Variants in KMT5A observed in about 807,000 individuals in gnomAD.
KMT5A encodes the protein lysine methyltransferase 5A, also known as N-lysine methyltransferase KMT5A.
A neutral mutation model predicts 40.6 loss-of-function variants in KMT5A; 6 were observed. That is an observed-to-expected ratio of 0.15 (90% confidence interval 0.08 to 0.29). The LOEUF is 0.29. KMT5A is among the 10% of genes least tolerant of loss of function. The pLI is 1.00. For missense variants in KMT5A, 308 were observed against 459.1 expected, an observed-to-expected ratio of 0.67 and a Z score of 3.01; for synonymous variants, 153 against 178.8, an observed-to-expected ratio of 0.86 and a Z score of 1.15.
chr12:123,404,789 A>G, intron 6 of KMT5A, 95 bp from the exon 7 acceptor site: 1 of 1,245,148 alleles, frequency 8.0e-7, no homozygotes, highest in South Asian at 1.4e-5. Flanking sequence ...TACAGCTGTT[A>G]AAGACTGGGG....
At chr12:123,396,512 T>C in intron 5 of KMT5A, 80 bp downstream of exon 5, 1 of 1,319,034 alleles carries the variant, frequency 7.6e-7, no homozygotes, top group Non-Finnish European at 1.1e-6. Flanking sequence ...CGTATGTGTG[T>C]GTCCTCAGCC....
In KMT5A at chr12:123,394,409, CTTAG is replaced by C. The variant is rs567532396; in HGVS notation, c.290-634_290-631del. 8.3e-4 allele frequency among the ~76,000 whole-genome samples: 127 copies of C among 152,226 alleles called. 1 individual carries two copies. The highest frequency in any genetic ancestry group is 3.0e-3 in the African/African-American group (123 of 41,546). On this transcript the variant is annotated intron_variant, in intron 3 of 7. Coordinates refer to ENST00000402868, the MANE Select transcript of KMT5A (RefSeq NM_020382.7). ...GGAGCCACTGTGTCCAGCCTATTTA[CTTAG>C]TTATTTAAAAGTAAAACATTTTTTA...
At position 123,384,414 on chromosome 12, in the gene KMT5A, C is replaced by T. The variant is rs564436546; in HGVS notation, c.10+206C>T. ...TCCAGATGCCCCCAGAAACCCTTCC[C>T]ACTGCCGTGCTTCTGTTTCCCTTCT... On this transcript the variant is annotated intron_variant, in intron 1 of 7. Coordinates refer to ENST00000402868, the MANE Select transcript of KMT5A (RefSeq NM_020382.7). The surrounding 1 kb of genome is among the most constrained non-coding windows in gnomAD (Gnocchi z 5.7). Among the ~76,000 whole-genome samples, 4 of 152,246 alleles carry T rather than the reference C, an allele frequency of 2.6e-5. No homozygotes were observed. The highest frequency in any genetic ancestry group is 9.6e-5 in the African/African-American group (4 of 41,474).
rs1377628563 is a variant in KMT5A, at chr12:123,407,661, C to T, written c.1017C>T (p.Arg339=). Residue 339 remains arginine, a synonymous_variant, in exon 8 of 8, where the codon CGC becomes CGT. Transcript: ENST00000402868. ...AGCTCCTGTATGACTATGGGGACCG[C>T]AGCAAGGCTTCCATTGAAGCCCACC... ...GEELLYDYGD[R]SKASIEAHPW... is the part of the protein sequence containing the mutation. 6.2e-7 allele frequency: 1 copy of T among 1,613,866 alleles called. No individual in the cohort carries two copies. The highest frequency in any genetic ancestry group is 8.5e-7 in the Non-Finnish European group (1 of 1,179,832).
intron 6 of KMT5A, among the ~76,000 whole-genome samples, chr12:123,403,929 C>T (rs1038516394): frequency 6.6e-6 from 1 of 152,104 alleles, no homozygotes; most frequent in Non-Finnish European, 1.5e-5. Flanking sequence ...CAACCATTAT[C>T]CCTGTCTAAT....
intron 5 of KMT5A, 51 bp from the exon 6 acceptor site, chr12:123,403,522 C>T (rs764284434): frequency 1.3e-5 from 21 of 1,594,870 alleles, no homozygotes; most frequent in South Asian, 3.3e-5. Context: ...AAGCTACGCA[C>T]GATGGGCCTA....
At chr12:123,388,994 C>G (rs2139157546) in intron 1 of KMT5A, 1 of 143,798 alleles carries the variant, frequency 7.0e-6, no homozygotes, top group South Asian at 2.1e-4. Context: ...CCTGCGCCTC[C>G]TTCCCTTCGT....
chr12:123,390,479 C>A (rs1877217373), intron 2 of KMT5A, 151 bp from the exon 3 acceptor site: 3 of 913,672 alleles, frequency 3.3e-6, no homozygotes, highest in Non-Finnish European at 5.0e-6. Context: ...TGCCAGTGCT[C>A]TCCTGAGACA....
intron 1 of KMT5A, among the ~76,000 whole-genome samples, chr12:123,386,242 G>A (rs1011111573): frequency 2.4e-5 from 3 of 126,366 alleles, no homozygotes; most frequent in African/African-American, 9.2e-5. Context: ...TTGAGACAGA[G>A]TCTCTCTCTG....
chr12:123,402,978 G>A (rs146328428), intron 5 of KMT5A, among the ~76,000 whole-genome samples: 12,302 of 152,112 alleles, frequency 0.081, 1,353 homozygotes, highest in African/African-American at 0.25. Context: ...GCACAATCTT[G>A]GCTCACTGCA....
In KMT5A at chr12:123,403,569, C is replaced by T. The variant is rs568504336; in HGVS notation, c.598-4C>T. On this transcript the variant is annotated splice_polypyrimidine_tract_variant and splice_region_variant and intron_variant, in intron 5 of 7. Coordinates refer to ENST00000402868, the MANE Select transcript of KMT5A (RefSeq NM_020382.7). ...TGATGCTGTTTTTCTTTCTCTCTGC[C>T]CAGTCTGAAGAAAGGAAAAGAATAG... 1 of 1,614,050 alleles carries T rather than the reference C, an allele frequency of 6.2e-7. No individual in the cohort carries two copies. The highest frequency in any genetic ancestry group is 2.2e-5 in the East Asian group (1 of 44,880).
chr12:123,395,357 G>A, intron 4 of KMT5A, 91 bp downstream of exon 4: 11 of 1,270,192 alleles, frequency 8.7e-6, no homozygotes, highest in Middle Eastern at 1.8e-4. Context: ...TGGGGGTTCA[G>A]TGGCCACCTC....
Position 123,384,273 on chromosome 12 carries a change from G to A in KMT5A, c.10+65G>A. ...GGGGTCGTGCTGGAGGGGTTGCCGG[G>A]GTGGAGGCAGCGGCTGCGGGGAGGC... is the stretch of plus-strand genomic sequence containing the variant. On this transcript the variant is annotated intron_variant, in intron 1 of 7. Transcript: ENST00000402868. The surrounding 1 kb of genome is among the most constrained non-coding windows in gnomAD (Gnocchi z 5.7). 14 of 1,599,016 alleles carry A rather than the reference G, an allele frequency of 8.8e-6. 1 individual carries two copies. The South Asian group carries it at 1.4e-4, about 17-fold the overall frequency.
Position 123,408,940 on chromosome 12 carries a change from G to A in KMT5A, c.*1237G>A, listed in dbSNP as rs1242187709. ...GTTTTCACCTTAACTGTGAAGGCAGGAGGAATAGGTGACTGCTTCCTCCCG... is the reference window on the plus strand; with the variant it reads ...GTTTTCACCTTAACTGTGAAGGCAGAAGGAATAGGTGACTGCTTCCTCCCG... On this transcript the variant is annotated 3_prime_UTR_variant, in exon 8 of 8. Transcript: ENST00000402868. 6.5e-6 allele frequency: 1 copy of A among 152,700 alleles called. No individual in the cohort carries two copies. Among genetic ancestry groups the A allele is most frequent in the Non-Finnish European group, 1.5e-5 (1 of 68,066 alleles). The allele number at this position is 152,700 out of a possible 1,614,324, so 9.5% of individuals were successfully genotyped here.
At chr12:123,398,669 A>G (rs1177638258) in intron 5 of KMT5A, among the ~76,000 whole-genome samples, 1 of 152,200 alleles carries the variant, frequency 6.6e-6, no homozygotes, top group African/African-American at 2.4e-5. Context: ...CAGCCATGCA[A>G]GCTGTTGCTG....
At chr12:123,389,600 C>A in intron 2 of KMT5A, 46 bp downstream of exon 2, 3 of 1,058,930 alleles carry the variant, frequency 2.8e-6, no homozygotes, top group African/African-American at 1.7e-5. Context: ...CCCGCCGGGC[C>A]GGGGCCGCGA....
Position 123,384,310 on chromosome 12 carries a change from G to A in KMT5A, c.10+102G>A, listed in dbSNP as rs1008429119. The A allele has an allele frequency of 7.3e-6, 11 of 1,512,536 alleles. No homozygotes were observed. The Admixed American group carries it at 2.1e-4, about 29-fold the overall frequency. The allele number at this position is 1,512,536 out of a possible 1,614,324, so 93.7% of individuals were successfully genotyped here. ...GGCTGCGGGGAGGCGTCCTCCTCGG[G>A]TGGCTCGGGGCAAGCTTGGGGACCC... On this transcript the variant is annotated intron_variant, in intron 1 of 7. Transcript: ENST00000402868. This position sits in a 1 kb window ranked among gnomAD's most constrained non-coding sequence, Gnocchi z 5.7.
intron 5 of KMT5A, among the ~76,000 whole-genome samples, chr12:123,399,592 ATG>A (rs1877998697): frequency 6.6e-6 from 1 of 152,310 alleles, no homozygotes; most frequent in East Asian, 1.9e-4. Context: ...CAAGGTGGTT[ATG>A]TGTGTGATGG....
At chr12:123,405,562 C>G (rs1878487780) in intron 7 of KMT5A, among the ~76,000 whole-genome samples, 1 of 125,232 alleles carries the variant, frequency 8.0e-6, no homozygotes, top group Non-Finnish European at 1.6e-5. Flanking sequence ...ATCTGTCGCC[C>G]AAGCTGGAGT....
Sources: gnomAD v4.1 joint callset for allele counts (sites outside exome capture counted in the v4.1 genomes callset) on GRCh38, gnomAD v4.1.1 for gene constraint, Gnocchi (gnomAD v3.1) non-coding constraint, MANE v1.5 for transcripts, NCBI Gene and HGNC (gene_info 2026-07-23, HGNC 2026-07-21) for gene names.